ATAD1: variants seen among roughly 807,000 people sequenced by gnomAD.
ATAD1 encodes the protein outer mitochondrial transmembrane helix translocase.
A neutral mutation model predicts 42.7 loss-of-function variants in ATAD1; 18 were observed. The observed-to-expected ratio is 0.42, with a 90% CI of 0.29 to 0.63. The LOEUF (loss-of-function observed/expected upper bound fraction) is 0.63, where lower values mean the gene tolerates loss of function less well. Ranked by LOEUF, ATAD1 falls within the 20% of genes least tolerant of loss-of-function variation. The pLI is 0.19. For synonymous variants in ATAD1, 132 were observed against 143.1 expected (o/e 0.92, Z 0.55); for missense variants, 294 against 440.4 (o/e 0.67, Z 2.98).
chr10:87,839,481 A>C (rs1271902462), intron 1 of ATAD1, among the ~76,000 whole-genome samples: 1 of 152,214 alleles, frequency 6.6e-6, no homozygotes, highest in African/African-American at 2.4e-5. Context: ...TGTCTTCTGC[A>C]GATAGTAGTT....
intron 5 of ATAD1, among the ~76,000 whole-genome samples, chr10:87,779,618 A>C (rs1855475725): frequency 6.7e-6 from 1 of 149,376 alleles, no homozygotes. Flanking sequence ...AAATTAAAAA[A>C]TCAAACAATA....
rs1163739543 is a variant in ATAD1 at position 87,792,085 on chromosome 10, A to G, written c.261+572T>C. On this transcript the variant is annotated intron_variant, in intron 3 of 9. Transcript: ENST00000680024. The stretch of plus-strand genomic sequence containing the variant: ...GCGTACAGAAAAGAGTTAACAAAGT[A>G]GGCCTGAGACTGTTGTCCTTAGAAA... Among the ~76,000 whole-genome samples the G allele has an allele frequency of 3.3e-5, 5 of 152,268 alleles. No homozygotes were observed. The East Asian group carries it at 9.6e-4, about 29-fold the overall frequency.
intron 3 of ATAD1, among the ~76,000 whole-genome samples, chr10:87,792,061 C>T (rs1184664601): frequency 6.6e-6 from 1 of 152,166 alleles, no homozygotes; most frequent in Non-Finnish European, 1.5e-5. Flanking sequence ...TAAACAAATG[C>T]GTACAGAAAA....
chr10:87,814,234 T>C (rs148002352), intron 2 of ATAD1, among the ~76,000 whole-genome samples: 400 of 152,244 alleles, frequency 2.6e-3, no homozygotes, highest in African/African-American at 9.3e-3. Flanking sequence ...TTCTGATAAG[T>C]TGTTTATATA....
intron 6 of ATAD1, among the ~76,000 whole-genome samples, chr10:87,775,338 T>C (rs1021520860): frequency 2.0e-5 from 3 of 149,010 alleles, no homozygotes; most frequent in African/African-American, 7.5e-5. Flanking sequence ...GGAGAATCGC[T>C]TGAACCCGGA....
Position 87,817,727 on chromosome 10 carries a change from T to C in ATAD1, c.-14+440A>G, listed in dbSNP as rs192650594. 5.3e-4 allele frequency: 519 copies of C among 985,412 alleles called. 4 individuals carry two copies. The African/African-American group carries it at 8.4e-3, about 16-fold the overall frequency. 61.0% of individuals were successfully genotyped at this position (985,412 alleles called of 1,614,324 possible). On this transcript the variant is annotated intron_variant, in intron 1 of 9. Coordinates refer to ENST00000680024, the MANE Select transcript of ATAD1 (RefSeq NM_001321967.2). The stretch of plus-strand genomic sequence containing the variant: ...AACATCACCATCTTTTGTGAAAGCG[T>C]GCCCGGCCCTGAAGAACCACCTTCG...
chr10:87,762,495 AC>A (rs1055198987), intron 8 of ATAD1, among the ~76,000 whole-genome samples: 4 of 150,570 alleles, frequency 2.7e-5, no homozygotes, highest in African/African-American at 9.8e-5. Flanking sequence ...ACAGAGTCTT[AC>A]TCTAGTCACC....
rs117391648 is a variant in ATAD1, at chr10:87,774,570, G to A, written c.690+1751C>T. On this transcript the variant is annotated intron_variant, in intron 6 of 9. Transcript: ENST00000680024. The stretch of plus-strand genomic sequence containing the variant: ...TCAATGAAAGAGTCAGATAGTAGAA[G>A]AGCTTCAAATGAACCAGAAGAAAGG... Among the ~76,000 whole-genome samples, 133 of 152,218 alleles carry A rather than the reference G, an allele frequency of 8.7e-4. No individual in the cohort carries two copies. In the East Asian group the frequency reaches 0.024, roughly 27 times the overall value.
At chr10:87,773,149 A>C (rs1318845470) in intron 6 of ATAD1, among the ~76,000 whole-genome samples, 1 of 152,182 alleles carries the variant, frequency 6.6e-6, no homozygotes, top group African/African-American at 2.4e-5. Context: ...TATACCCCTG[A>C]ATTTAAAATA....
chr10:87,826,317 G>T (rs1857729050), intron 1 of ATAD1, among the ~76,000 whole-genome samples: 1 of 152,176 alleles, frequency 6.6e-6, no homozygotes, highest in Non-Finnish European at 1.5e-5. Context: ...CTACTTTCTA[G>T]CCTGCTGCTT....
chr10:87,809,623 A>C (rs1392268470), intron 2 of ATAD1, among the ~76,000 whole-genome samples: 1 of 150,446 alleles, frequency 6.6e-6, no homozygotes, highest in South Asian at 2.1e-4. Flanking sequence ...AACAGTCCTA[A>C]TTTTTTTTAT....
intron 2 of ATAD1, among the ~76,000 whole-genome samples, chr10:87,806,670 G>A (rs909456872): frequency 2.0e-5 from 3 of 151,960 alleles, no homozygotes; most frequent in Admixed American, 6.5e-5. Context: ...TTTTCTCCGC[G>A]AATATTATGC....
At chr10:87,801,403 C>T (rs888251909) in intron 2 of ATAD1, among the ~76,000 whole-genome samples, 2 of 151,818 alleles carry the variant, frequency 1.3e-5, no homozygotes, top group Non-Finnish European at 2.9e-5. Flanking sequence ...CATAATTTGG[C>T]TTATTTAGTA....
rs528248011 is a variant in ATAD1, at chr10:87,802,548, G to A, written c.163-9793C>T. On this transcript the variant is annotated intron_variant, in intron 2 of 9. Coordinates refer to ENST00000680024, the MANE Select transcript of ATAD1 (RefSeq NM_001321967.2). ...AGGCAGGGCGCAGTGGCTCATGCCT[G>A]TAATCCCAGCACTTTGGGAGGCCAG... Among the ~76,000 whole-genome samples the A allele has an allele frequency of 2.6e-4, 40 of 151,690 alleles. 1 individual carries two copies. Among genetic ancestry groups the A allele is most frequent in the South Asian group, 6.3e-4 (3 of 4,790 alleles).
At chr10:87,772,484 A>G (rs893569718) in intron 6 of ATAD1, among the ~76,000 whole-genome samples, 2 of 152,186 alleles carry the variant, frequency 1.3e-5, no homozygotes, top group African/African-American at 4.8e-5. Context: ...TAAAACAAAC[A>G]AATCTTAAAA....
rs374718035 is a variant in ATAD1, at chr10:87,797,724, GCA to G, written c.163-4971_163-4970del. On this transcript the variant is annotated intron_variant, in intron 2 of 9. Coordinates refer to ENST00000680024, the MANE Select transcript of ATAD1 (RefSeq NM_001321967.2). Reference sequence around the variant, plus strand: ...AGAGCTACAAGTTAGGGGTGGCTGAGCACAGTTTACAGGAAGTGGTCTTGGCT... The same window carrying G: ...AGAGCTACAAGTTAGGGGTGGCTGAGCAGTTTACAGGAAGTGGTCTTGGCT... 7.2e-3 allele frequency among the ~76,000 whole-genome samples: 1,094 copies of G among 152,308 alleles called. 12 individuals are homozygous for G. Among genetic ancestry groups the G allele is most frequent in the African/African-American group, 0.025 (1,045 of 41,556 alleles).
intron 5 of ATAD1, among the ~76,000 whole-genome samples, chr10:87,778,284 AT>A (rs1481353748): frequency 6.6e-6 from 1 of 151,700 alleles, no homozygotes; most frequent in Non-Finnish European, 1.5e-5. Flanking sequence ...TCAAAAAAAA[AT>A]TTTTTTTAAA....
At chr10:87,762,020 C>T (rs967923767) in intron 8 of ATAD1, among the ~76,000 whole-genome samples, 4 of 152,126 alleles carry the variant, frequency 2.6e-5, no homozygotes, top group Admixed American at 6.5e-5. Context: ...GCTAGGATTA[C>T]AGGCATGAGT....
chr10:87,830,023 G>A (rs1440305967), intron 1 of ATAD1, among the ~76,000 whole-genome samples: 4 of 152,180 alleles, frequency 2.6e-5, no homozygotes, highest in Non-Finnish European at 5.9e-5. Flanking sequence ...AGGGTCAAAT[G>A]TTGCCTCTAC....
Sources: allele counts gnomAD v4.1 joint callset (sites outside exome capture counted in the v4.1 genomes callset), GRCh38; gene constraint gnomAD v4.1.1; transcripts MANE v1.5; gene names NCBI Gene and HGNC (gene_info 2026-07-23, HGNC 2026-07-21).